Variants in CGN observed in about 807,000 individuals in gnomAD.
CGN encodes the protein cingulin.
Under a neutral mutation model 157.1 loss-of-function variants are expected in CGN, and 121 were observed. The observed-to-expected ratio is 0.77, with a 90% confidence interval of 0.66 to 0.90. The LOEUF (loss-of-function observed/expected upper bound fraction) is 0.90, where lower values mean the gene tolerates loss of function less well. Ranked by LOEUF, CGN falls within the 40% of genes least tolerant of loss-of-function variation. The pLI is 0.00. For missense variants in CGN, 1,424 were observed against 1,520.9 expected (o/e 0.94, Z 1.06); for synonymous variants, 535 against 607.5 (o/e 0.88, Z 1.76).
rs752582401 is a variant in CGN at position 151,526,960 on chromosome 1, C to G, written c.1764-15C>G. On this transcript the variant is annotated splice_polypyrimidine_tract_variant and intron_variant, in intron 9 of 20. Coordinates refer to ENST00000271636, the MANE Select transcript of CGN (RefSeq NM_020770.3). ...TCTGTTCCCTTTCCCCTTTATTTCACCTTGCCTGGCTCAGACTCCTGCAGC... is the reference window on the plus strand; with the variant it reads ...TCTGTTCCCTTTCCCCTTTATTTCAGCTTGCCTGGCTCAGACTCCTGCAGC... 3.1e-6 allele frequency: 5 copies of G among 1,614,114 alleles called. No homozygotes were observed. Among genetic ancestry groups the G allele is most frequent in the Non-Finnish European group, 4.2e-6 (5 of 1,179,996 alleles).
intron 1 of CGN, 73 bp from the exon 2 acceptor site, chr1:151,518,433 G>A: frequency 7.5e-7 from 1 of 1,324,792 alleles, no homozygotes; most frequent in Middle Eastern, 2.0e-4. Context: ...TGACAGGGAA[G>A]TCAGCCCGCA....
At chr1:151,525,394 G>A (rs1664648779) in intron 8 of CGN, among the ~76,000 whole-genome samples, 1 of 151,992 alleles carries the variant, frequency 6.6e-6, no homozygotes, top group Non-Finnish European at 1.5e-5. Flanking sequence ...GCGAGACTCT[G>A]TCCCCCTAAA....
chr1:151,517,774 A>G (rs1300437545), intron 1 of CGN, among the ~76,000 whole-genome samples: 1 of 151,366 alleles, frequency 6.6e-6, no homozygotes, highest in Non-Finnish European at 1.5e-5. Flanking sequence ...AGCCTCCCAA[A>G]GTGCTGGGAT....
At chr1:151,520,294 G>A in intron 3 of CGN, 28 bp downstream of exon 3, 1 of 1,580,434 alleles carries the variant, frequency 6.3e-7, no homozygotes, top group Non-Finnish European at 8.7e-7. Flanking sequence ...CAACAACAGA[G>A]GCATACCCCT....
chr1:151,535,550 G>T, intron 16 of CGN, 50 bp from the exon 17 acceptor site: 1 of 1,439,072 alleles, frequency 6.9e-7, no homozygotes, highest in Non-Finnish European at 9.8e-7. Context: ...CAGCTTGCTG[G>T]TTCATCCTTA....
At chr1:151,520,801 T>G in intron 5 of CGN, 110 bp downstream of exon 5, 2 of 859,008 alleles carry the variant, frequency 2.3e-6, no homozygotes, top group Non-Finnish European at 3.8e-6. Context: ...CATGTTTGTG[T>G]CTTATGAGAC....
intron 5 of CGN, among the ~76,000 whole-genome samples, chr1:151,522,747 C>T (rs1664569838): frequency 6.6e-6 from 1 of 151,986 alleles, no homozygotes; most frequent in South Asian, 2.1e-4. Flanking sequence ...AACCCTGTCT[C>T]TACTAATAAT....
rs1664898686 is a variant in CGN at position 151,533,967 on chromosome 1, CT to C, written c.2743-7del. ...CACTGAGCTGTGGCATTTTTACCCC[CT>C]GCCCAGATCCAGAGGCTGCGGCAGG... On this transcript the variant is annotated splice_polypyrimidine_tract_variant and splice_region_variant and intron_variant, in intron 14 of 20. Coordinates refer to ENST00000271636, the MANE Select transcript of CGN (RefSeq NM_020770.3). 6.2e-7 allele frequency: 1 copy of C among 1,603,120 alleles called. No homozygotes were observed. Among genetic ancestry groups the C allele is most frequent in the Non-Finnish European group, 8.5e-7 (1 of 1,176,724 alleles).
intron 1 of CGN, among the ~76,000 whole-genome samples, chr1:151,513,464 A>G (rs1664345346): frequency 6.6e-6 from 1 of 152,202 alleles, no homozygotes; most frequent in South Asian, 2.1e-4. Flanking sequence ...GTGCCAAATC[A>G]TCAAGGTCAC....
rs1443466683 is a variant in CGN at position 151,520,476 on chromosome 1, C to T, written c.1037C>T (p.Pro346Leu). Reference protein sequence around the residue: ...KVSLVLEKMQPLVMVSSGSTK... With the variant: ...KVSLVLEKMQLLVMVSSGSTK... The stretch of plus-strand genomic sequence containing the variant: ...AGTTTGGTGCTGGAGAAGATGCAGC[C>T]TCTAGTGGTGAGTGGCCTTCTCTGG... Residue 346 changes from proline to leucine, a missense_variant, in exon 4 of 21, where the codon CCT becomes CTT. Around this residue, in one of 3 missense-constraint regions of CGN, gnomAD observed 1,187 missense variants for 1,217.6 expected, o/e 0.97. Transcript: ENST00000271636. The T allele has an allele frequency of 2.5e-6, 4 of 1,613,952 alleles. No individual in the cohort carries two copies. The highest frequency in any genetic ancestry group is 3.4e-6 in the Non-Finnish European group (4 of 1,179,798).
chr1:151,525,051 G>C (rs1198063618), intron 8 of CGN, among the ~76,000 whole-genome samples, 165 bp downstream of exon 8: 2 of 152,186 alleles, frequency 1.3e-5, no homozygotes. Flanking sequence ...GAAAACTATA[G>C]GGGCAGAGGG....
Position 151,535,901 on chromosome 1 carries a change from G to A in CGN, c.3197+3G>A. 1 of 1,603,122 alleles carries A rather than the reference G, an allele frequency of 6.2e-7. No individual in the cohort carries two copies. The highest frequency in any genetic ancestry group is 8.5e-7 in the Non-Finnish European group (1 of 1,170,986). On this transcript the variant is annotated splice_donor_region_variant and intron_variant, in intron 18 of 20. Transcript: ENST00000271636. ...GAGCGGCTACAGGCTGAAGAGAGGTGACATAAGCCTATCCTTCCTCCCTTC... is the reference window on the plus strand; with the variant it reads ...GAGCGGCTACAGGCTGAAGAGAGGTAACATAAGCCTATCCTTCCTCCCTTC...
At position 151,536,821 on chromosome 1, in the gene CGN, G is replaced by A. The variant is rs199924639; in HGVS notation, c.3398G>A (p.Arg1133His). 40 of 1,614,202 alleles carry A rather than the reference G, an allele frequency of 2.5e-5. No homozygotes were observed. The highest frequency in any genetic ancestry group is 1.6e-4 in the Middle Eastern group (1 of 6,062). Residue 1133 changes from arginine to histidine, a missense_variant, in exon 20 of 21, where the codon CGT becomes CAT. Coordinates refer to ENST00000271636, the MANE Select transcript of CGN (RefSeq NM_020770.3). The stretch of plus-strand genomic sequence containing the variant: ...GACGGCCTGAGGAAGAAGGCCCAGC[G>A]TGAGGTGGAGGAGCAGCATGAGGTC... ...RLDGLRKKAQ[R>H]EVEEQHEVNE...
At chr1:151,533,520 T>C (rs1664884288) in intron 14 of CGN, among the ~76,000 whole-genome samples, 1 of 140,314 alleles carries the variant, frequency 7.1e-6, no homozygotes, top group African/African-American at 2.7e-5. Flanking sequence ...TGAGGGCAGG[T>C]GCAGTGGCTC....
chr1:151,526,150 G>A (rs1664674904), intron 9 of CGN, among the ~76,000 whole-genome samples: 1 of 150,998 alleles, frequency 6.6e-6, no homozygotes, highest in South Asian at 2.1e-4. Flanking sequence ...GGGATTACGG[G>A]TGTGAGCCGC....
At chr1:151,526,766 G>A (rs1664690381) in intron 9 of CGN, among the ~76,000 whole-genome samples, 1 of 152,156 alleles carries the variant, frequency 6.6e-6, no homozygotes, top group East Asian at 1.9e-4. Context: ...GAGCCACCAT[G>A]CCTGGCCCAC....
At chr1:151,522,855 G>C (rs146652908) in intron 5 of CGN, among the ~76,000 whole-genome samples, 3 of 151,442 alleles carry the variant, frequency 2.0e-5, no homozygotes, top group South Asian at 4.2e-4. Context: ...TGGAGGTTGC[G>C]GTGAGCTGAG....
chr1:151,529,793 A>G, intron 11 of CGN, 116 bp from the exon 12 acceptor site: 1 of 1,017,634 alleles, frequency 9.8e-7, no homozygotes, highest in Non-Finnish European at 1.4e-6. Context: ...TTTAAGCCTC[A>G]TTCTTATGGG....
chr1:151,533,476 AAAAAACAAAAAC>A (rs1201468231), intron 14 of CGN, among the ~76,000 whole-genome samples: 1 of 150,958 alleles, frequency 6.6e-6, no homozygotes, highest in Non-Finnish European at 1.5e-5. Context: ...ACTCCATCTC[AAAAAACAAAAAC>A]AAAAACAATA....
Sources: allele counts gnomAD v4.1 joint callset (sites outside exome capture counted in the v4.1 genomes callset), GRCh38; gene constraint gnomAD v4.1.1; regional missense constraint gnomAD v4.1.1; transcripts MANE v1.5; gene names NCBI Gene and HGNC (gene_info 2026-07-23, HGNC 2026-07-21).